The following EXOC2 variants were observed in gnomAD, a reference collection of about 807,000 sequenced individuals.
The protein encoded by EXOC2 is SEC5-like 1.
EXOC2 carries 70 observed loss-of-function variants against 131.8 expected under a neutral mutation model. The observed-to-expected ratio is 0.53, with a 90% CI of 0.44 to 0.65. EXOC2 has a LOEUF of 0.65. Among genes scored for constraint, EXOC2 ranks in the 30% least tolerant of loss-of-function variants. The pLI, the probability that EXOC2 is intolerant of heterozygous loss-of-function variation, is 0.00. For missense variants in EXOC2, 923 were observed against 1,108.6 expected (o/e 0.83, Z 2.38); for synonymous variants, 411 against 398.4 (o/e 1.03, Z -0.38).
chr6:488,413 G>A (rs191329887), intron 27 of EXOC2, among the ~76,000 whole-genome samples: 5 of 152,278 alleles, frequency 3.3e-5, no homozygotes, highest in South Asian at 4.1e-4. Flanking sequence ...TCTTAGGTCC[G>A]TTTCCTGTTC....
At chr6:600,193 T>C (rs368623926) in intron 7 of EXOC2, among the ~76,000 whole-genome samples, 17 of 152,324 alleles carry the variant, frequency 1.1e-4, no homozygotes, top group East Asian at 9.6e-4. Context: ...TGTAACATGA[T>C]TGTTTTATCT....
chr6:496,103 G>A (rs1474478626), intron 25 of EXOC2, among the ~76,000 whole-genome samples: 1 of 152,026 alleles, frequency 6.6e-6, no homozygotes, highest in Non-Finnish European at 1.5e-5. Context: ...ACTGATTTAT[G>A]AGGAGCGCAG....
At chr6:616,747 TATTTA>T (rs1311446155) in intron 6 of EXOC2, among the ~76,000 whole-genome samples, 1 of 151,720 alleles carries the variant, frequency 6.6e-6, no homozygotes, top group Non-Finnish European at 1.5e-5. Context: ...TTTATTTATT[TATTTA>T]ATTTATTTAG....
chr6:673,227 G>A (rs1345863776), intron 1 of EXOC2, among the ~76,000 whole-genome samples: 1 of 116,654 alleles, frequency 8.6e-6, no homozygotes. Context: ...CTCCAGCCTG[G>A]GTGACAAAAG....
intron 1 of EXOC2, chr6:656,732 G>A (rs964675080): frequency 6.3e-7 from 1 of 1,593,736 alleles, no homozygotes; most frequent in African/African-American, 1.3e-5. Context: ...GATCTTCCGA[G>A]ACACCTTCCA....
At chr6:578,602 T>C (rs979862810) in intron 11 of EXOC2, among the ~76,000 whole-genome samples, 2 of 152,192 alleles carry the variant, frequency 1.3e-5, no homozygotes, top group Non-Finnish European at 2.9e-5. Context: ...CTTAGATAAA[T>C]AGAAAATAAA....
Position 485,321 on chromosome 6 carries a change from G to A in EXOC2, c.*1350C>T, listed in dbSNP as rs1045702782. 6.6e-5 allele frequency: 10 copies of A among 152,190 alleles called. No homozygotes were observed. The highest frequency in any genetic ancestry group is 2.2e-4 in the African/African-American group (9 of 41,436). 9.4% of individuals were successfully genotyped at this position (152,190 alleles called of 1,614,324 possible). On this transcript the variant is annotated 3_prime_UTR_variant, in exon 28 of 28. Coordinates refer to ENST00000230449, the MANE Select transcript of EXOC2 (RefSeq NM_018303.6). ...AGCTTTATCAAGCACATTTGTGAAA[G>A]ATTAAACTTTCATTTCCAGTTACCA...
At chr6:549,469 G>T (rs1158710479) in intron 21 of EXOC2, among the ~76,000 whole-genome samples, 178 bp from the exon 22 acceptor site, 1 of 152,098 alleles carries the variant, frequency 6.6e-6, no homozygotes, top group Non-Finnish European at 1.5e-5. Context: ...GTAAAATCCT[G>T]CAACTCTACT....
intron 13 of EXOC2, among the ~76,000 whole-genome samples, chr6:567,740 T>TCTCAGTAC (rs1338055071): frequency 6.6e-6 from 1 of 152,212 alleles, no homozygotes; most frequent in African/African-American, 2.4e-5. Context: ...TGCATGTGTG[T>TCTCAGTAC]CTCAGTACCT....
intron 1 of EXOC2, among the ~76,000 whole-genome samples, chr6:642,618 T>G (rs1327877192): frequency 6.6e-6 from 1 of 152,194 alleles, no homozygotes; most frequent in Admixed American, 6.5e-5. Context: ...CTATAACAAA[T>G]GTTATTAAAA....
At chr6:650,364 A>C (rs1414322376) in intron 1 of EXOC2, among the ~76,000 whole-genome samples, 1 of 152,218 alleles carries the variant, frequency 6.6e-6, no homozygotes, top group African/African-American at 2.4e-5. Context: ...TTCCTAGGAG[A>C]GTCCTTTACA....
intron 1 of EXOC2, among the ~76,000 whole-genome samples, chr6:678,531 GTCC>G (rs1382838128): frequency 1.3e-5 from 2 of 152,244 alleles, no homozygotes; most frequent in African/African-American, 4.8e-5. Context: ...TAGGAGAATG[GTCC>G]TCAATTGTTT....
At chr6:664,721 T>A (rs978119158) in intron 1 of EXOC2, among the ~76,000 whole-genome samples, 2 of 152,180 alleles carry the variant, frequency 1.3e-5, no homozygotes, top group African/African-American at 4.8e-5. Context: ...GGTGCTAGTA[T>A]AACTGGCTAG....
chr6:600,534 G>C (rs1389296829), intron 7 of EXOC2, among the ~76,000 whole-genome samples: 1 of 152,118 alleles, frequency 6.6e-6, no homozygotes, highest in African/African-American at 2.4e-5. Flanking sequence ...TTACTTATAT[G>C]TTAGGTTTGG....
chr6:613,928 T>C (rs1348170732), intron 6 of EXOC2, among the ~76,000 whole-genome samples: 1 of 151,886 alleles, frequency 6.6e-6, no homozygotes, highest in Non-Finnish European at 1.5e-5. Flanking sequence ...ATAAAAATCC[T>C]GCCACATGTA....
At chr6:658,661 ATATATT>A in intron 1 of EXOC2, among the ~76,000 whole-genome samples, 1 of 72,064 alleles carries the variant, frequency 1.4e-5, no homozygotes, top group African/African-American at 4.5e-5. Flanking sequence ...ATATATATAT[ATATATT>A]TTTTTTTTTT....
intron 1 of EXOC2, among the ~76,000 whole-genome samples, chr6:672,198 G>A (rs753331821): frequency 3.9e-5 from 6 of 151,976 alleles, no homozygotes; most frequent in Non-Finnish European, 8.8e-5. Context: ...TCTTTCCTCA[G>A]CTATGTCTGG....
chr6:608,301 A>T (rs1254693063), intron 7 of EXOC2, among the ~76,000 whole-genome samples: 1 of 152,250 alleles, frequency 6.6e-6, no homozygotes, highest in Non-Finnish European at 1.5e-5. Flanking sequence ...GGCTTGACAC[A>T]ACCAGAGTTA....
At chr6:538,769 C>T (rs1418548917) in intron 22 of EXOC2, among the ~76,000 whole-genome samples, 2 of 152,154 alleles carry the variant, frequency 1.3e-5, no homozygotes, top group East Asian at 1.9e-4. Context: ...TCAGGTTAAA[C>T]CCACTGTAAG....
Sources: allele counts gnomAD v4.1 joint callset (sites outside exome capture counted in the v4.1 genomes callset), GRCh38; gene constraint gnomAD v4.1.1; transcripts MANE v1.5; gene names NCBI Gene and HGNC (gene_info 2026-07-23, HGNC 2026-07-21).